Variants in TFB1M observed in about 807,000 individuals in gnomAD.
TFB1M encodes the protein transcription factor B1, mitochondrial.
A neutral mutation model predicts 31.1 loss-of-function variants in TFB1M; 27 were observed. That is an observed-to-expected ratio of 0.87 (90% CI 0.64 to 1.20). The LOEUF is 1.20. Among genes scored for constraint, TFB1M ranks in the 50% most tolerant of loss-of-function variants. The pLI is 0.00. For missense variants in TFB1M, 394 were observed against 418.7 expected, an observed-to-expected ratio of 0.94 and a Z score of 0.51; for synonymous variants, 166 against 151.8, an observed-to-expected ratio of 1.09 and a Z score of -0.69.
At chr6:155,233,329 G>A in the TFB1M span, among the ~76,000 whole-genome samples, 1 of 152,152 alleles carries the variant, frequency 6.6e-6, no homozygotes, top group African/African-American at 2.4e-5. Context: ...TCAAGAGGAG[G>A]CCATCATGGT....
At chr6:155,267,215 T>G (rs1479748922) in intron 5 of TFB1M, among the ~76,000 whole-genome samples, 3 of 152,128 alleles carry the variant, frequency 2.0e-5, no homozygotes, top group Non-Finnish European at 2.9e-5. Flanking sequence ...CCGCAAGCAA[T>G]CCACCTGCCT....
In TFB1M at chr6:155,276,002, A is replaced by T. The variant is rs756380740; in HGVS notation, c.666+9156T>A. 8.1e-6 allele frequency: 13 copies of T among 1,614,110 alleles called. 1 individual carries two copies. In the South Asian group the frequency reaches 1.4e-4, roughly 18 times the overall value. ...GGCGTGTGTTCTGTCTGCTTTGGGG[A>T]TCTGCACTTCCACAGTAGGAATGAA... On this transcript the variant is annotated intron_variant, in intron 5 of 6. Transcript: ENST00000367166.
chr6:155,248,200 C>G, the TFB1M span: 1 of 1,608,410 alleles, frequency 6.2e-7, no homozygotes. Flanking sequence ...GGCGGCACCT[C>G]CGGGCGAGGG....
intron 5 of TFB1M, among the ~76,000 whole-genome samples, chr6:155,281,721 CAAAAA>C (rs1217317032): frequency 3.2e-5 from 2 of 63,234 alleles, no homozygotes; most frequent in Non-Finnish European, 5.8e-5. Context: ...GACTCTGTCT[CAAAAA>C]AAAAAAAAAA....
chr6:155,242,985 C>T, the TFB1M span, among the ~76,000 whole-genome samples: 1,855 of 151,878 alleles, frequency 0.012, 34 homozygotes, highest in Non-Finnish European at 0.015. Context: ...TCAGGTGATC[C>T]ACCCGCCTCT....
rs1290717861 is a variant in TFB1M, at chr6:155,302,146, C to G, written c.286-3561G>C. 2.6e-5 allele frequency among the ~76,000 whole-genome samples: 4 copies of G among 152,294 alleles called. No homozygotes were observed. In the East Asian group the frequency reaches 5.8e-4, roughly 22 times the overall value. ...ATTCTTAGAACTTACACAAAATTAT[C>G]GATTCCTTAAGAAGAAATACTACAT... On this transcript the variant is annotated intron_variant, in intron 2 of 6. Transcript: ENST00000367166.
chr6:155,234,026 T>C, the TFB1M span, among the ~76,000 whole-genome samples: 1 of 151,774 alleles, frequency 6.6e-6, no homozygotes, highest in Non-Finnish European at 1.5e-5. Context: ...GGGTTCAATA[T>C]CATTGCTTTT....
At chr6:155,271,339 G>T (rs1347021828) in intron 5 of TFB1M, among the ~76,000 whole-genome samples, 1 of 152,148 alleles carries the variant, frequency 6.6e-6, no homozygotes, top group Non-Finnish European at 1.5e-5. Context: ...CTCAGTATCT[G>T]ATCACAGTCT....
rs762106661 is a variant in TFB1M, at chr6:155,256,659, A to G, written c.*1177T>C. The G allele has an allele frequency of 3.1e-6, 5 of 1,614,072 alleles. No homozygotes were observed. In the Admixed American group the frequency reaches 8.3e-5, roughly 27 times the overall value. The stretch of plus-strand genomic sequence containing the variant: ...ACTCCAAGAGCACTTCTCCCGGGAA[A>G]TACCCACACCCCGGCTTGGCAGATT... On this transcript the variant is annotated 3_prime_UTR_variant, in exon 7 of 7. Transcript: ENST00000367166.
At chr6:155,294,256 A>G (rs547316242) in intron 4 of TFB1M, among the ~76,000 whole-genome samples, 8 of 152,364 alleles carry the variant, frequency 5.3e-5, no homozygotes, top group African/African-American at 1.7e-4. Flanking sequence ...TCTAGAAGAT[A>G]ACAGAAGAAT....
chr6:155,296,752 T>C (rs948496393), intron 4 of TFB1M, among the ~76,000 whole-genome samples: 1 of 142,928 alleles, frequency 7.0e-6, no homozygotes, highest in African/African-American at 2.7e-5. Context: ...CATACATCAT[T>C]CATGTTTTCC....
At chr6:155,306,693 G>A (rs1309877405) in intron 2 of TFB1M, among the ~76,000 whole-genome samples, 2 of 152,152 alleles carry the variant, frequency 1.3e-5, no homozygotes, top group Non-Finnish European at 2.9e-5. Context: ...TACAGTGACA[G>A]CAGATTAGTG....
the TFB1M span, chr6:155,247,936 AGAAAT>A: frequency 6.5e-7 from 1 of 1,530,622 alleles, no homozygotes; most frequent in Non-Finnish European, 8.9e-7. Context: ...ATGTTAAAAG[AGAAAT>A]GAAGAATTTA....
At chr6:155,313,024 G>A (rs191130843) in intron 1 of TFB1M, 1 of 152,190 alleles carries the variant, frequency 6.6e-6, no homozygotes, top group East Asian at 1.9e-4. Flanking sequence ...GAGGCGAGTG[G>A]ATCACTTGAG....
the TFB1M span, chr6:155,232,738 C>T: frequency 2.6e-5 from 4 of 152,034 alleles, no homozygotes; most frequent in South Asian, 2.1e-4. Context: ...AGGGATCTGC[C>T]GAAAGATCAT....
the TFB1M span, among the ~76,000 whole-genome samples, chr6:155,230,784 TA>T: frequency 1.9e-4 from 18 of 95,848 alleles, no homozygotes; most frequent in African/African-American, 7.9e-4. Context: ...CATATTTATA[TA>T]AGTAAATATA....
chr6:155,236,866 G>A, the TFB1M span, among the ~76,000 whole-genome samples: 1 of 152,054 alleles, frequency 6.6e-6, no homozygotes, highest in Non-Finnish European at 1.5e-5. Flanking sequence ...AATTATTTAT[G>A]GGAGCTACAA....
intron 5 of TFB1M, chr6:155,276,000 G>T (rs34434986): frequency 6.2e-7 from 1 of 1,614,132 alleles, no homozygotes; most frequent in Non-Finnish European, 8.5e-7. Flanking sequence ...TCTGCTTTGG[G>T]GATCTGCACT....
the TFB1M span, among the ~76,000 whole-genome samples, chr6:155,234,316 T>G: frequency 4.6e-5 from 7 of 152,202 alleles, no homozygotes; most frequent in African/African-American, 1.7e-4. Flanking sequence ...TATTTACTTT[T>G]AGAGATAGAG....
Sources: gnomAD v4.1 joint callset for allele counts (sites outside exome capture counted in the v4.1 genomes callset) on GRCh38, gnomAD v4.1.1 for gene constraint, MANE v1.5 for transcripts, NCBI Gene and HGNC (gene_info 2026-07-23, HGNC 2026-07-21) for gene names.